Variants in MUC4 observed in about 807,000 individuals in gnomAD.
MUC4 encodes the protein mucin 4, cell surface associated.
MUC4 carries 202 observed loss-of-function variants against 257.9 expected under a neutral mutation model. The observed-to-expected ratio is 0.78, with a 90% CI of 0.70 to 0.88. MUC4 has a LOEUF of 0.88. MUC4 is among the 40% of genes least tolerant of loss of function. The pLI is 0.00. For missense variants in MUC4, 5,976 were observed against 6,513.7 expected, an observed-to-expected ratio of 0.92 and a Z score of 2.84; for synonymous variants, 2,351 against 2,757.1, an observed-to-expected ratio of 0.85 and a Z score of 4.62.
chr3:195,770,334 A>C lies in MUC4; in HGVS notation c.13280T>G (p.Val4427Gly). The change falls in exon 6 of 25, where the codon GTC becomes GGC. Residue 4427 changes from valine (V) to glycine (G), a missense_variant. Transcript: ENST00000463781. ...ETFYGEHSLL[V>G]QQAESWIRKM... ...TCTAATCCAAGACTCGGCCTGCTGG[A>C]CTAGCAGGCTGTGTTCACCATAGAA... 6.2e-7 allele frequency: 1 copy of C among 1,613,906 alleles called. No individual in the cohort carries two copies. The highest frequency in any genetic ancestry group is 8.5e-7 in the Non-Finnish European group (1 of 1,179,938).
chr3:195,778,361 G>C lies in MUC4; in HGVS notation c.12885C>G (p.Pro4295=), dbSNP rs374255220. Residue 4295 remains proline (P), a synonymous_variant, in exon 3 of 25, where the codon CCC becomes CCG. Transcript: ENST00000463781. ...TTSQTIISTI[P]STAMHTRSTA... ...TGGAGCGGGTGTGCATGGCAGTGCT[G>C]GGAATGGTGGAAATGATGGTCTGGG... 5 of 1,612,992 alleles carry C rather than the reference G, an allele frequency of 3.1e-6. No homozygotes were observed. The Admixed American group carries it at 5.0e-5, about 16-fold the overall frequency.
chr3:195,793,832 A>G (rs1337689410), intron 1 of MUC4, among the ~76,000 whole-genome samples: 1 of 152,140 alleles, frequency 6.6e-6, no homozygotes, highest in Non-Finnish European at 1.5e-5. Flanking sequence ...TTCGTTGTTA[A>G]CATCTGTGCC....
At position 195,781,573 on chromosome 3, in the gene MUC4, G is replaced by A. The variant is rs1287856338; in HGVS notation, c.10007C>T (p.Ser3336Leu). 2.8e-6 allele frequency: 2 copies of A among 712,356 alleles called. No homozygotes were observed. The highest frequency in any genetic ancestry group is 3.6e-5 in the Admixed American group (1 of 27,726). 44.1% of individuals were successfully genotyped at this position (712,356 alleles called of 1,614,324 possible). ...AGGGGTGGTGTCACCTGTGGATGCT[G>A]AGGAAGGGCTGGTGACATGAAGAGG... ...ATPLHVTSPS[S>L]ASTGDTTPVP... The change falls in exon 2 of 25, where the codon TCA becomes TTA. Residue 3336 changes from serine (S) to leucine (L), a missense_variant. By Grantham distance (145) the Ser-to-Leu change is moderately radical. This residue lies in a region of MUC4 where 72 missense variants were observed against 33.5 expected (regional missense o/e 2.15). Transcript: ENST00000463781.
chr3:195,756,770 T>C (rs1347220319), intron 18 of MUC4, among the ~76,000 whole-genome samples: 3 of 151,838 alleles, frequency 2.0e-5, no homozygotes, highest in Non-Finnish European at 4.4e-5. Flanking sequence ...GCAAGCGATT[T>C]TCCTGCCGCA....
chr3:195,790,981 G>A lies in MUC4; in HGVS notation c.599C>T (p.Thr200Ile). Residue 200 changes from threonine (T) to isoleucine (I), a missense_variant, in exon 2 of 25, where the codon ACT becomes ATT. Physicochemically the swap from Thr to Ile is moderately conservative, Grantham distance 89. Transcript: ENST00000463781. ...TTCCCTGGTGGTCTGCGTGCTCCGA[G>A]TCCAGTGGTTCTGAGAAGAAGCTGA... ...DTSASSQNHW[T>I]RSTQTTRESQ... 1 of 1,614,020 alleles carries A rather than the reference G, an allele frequency of 6.2e-7. No individual in the cohort carries two copies. Among genetic ancestry groups the A allele is most frequent in the Non-Finnish European group, 8.5e-7 (1 of 1,179,912 alleles).
chr3:195,767,621 T>TCAC (rs759760627), intron 7 of MUC4, among the ~76,000 whole-genome samples: 23 of 27,200 alleles, frequency 8.5e-4, no homozygotes, highest in East Asian at 3.3e-3. Flanking sequence ...GCCACCACCA[T>TCAC]CACCACCATC....
rs1730954070 is a variant in MUC4 at position 195,785,227 on chromosome 3, G to A, written c.6353C>T (p.Ala2118Val). The A allele has an allele frequency of 2.6e-6, 4 of 1,551,880 alleles. 1 individual carries two copies. The highest frequency in any genetic ancestry group is 3.5e-6 in the Non-Finnish European group (4 of 1,147,068). The change falls in exon 2 of 25, where the codon GCT (alanine) becomes GTT (valine). Residue 2118 changes from alanine (A) to valine (V), a missense_variant. Coordinates refer to ENST00000463781, the MANE Select transcript of MUC4 (RefSeq NM_018406.7). Reference protein sequence around the residue: ...GHATALHDTDASSLSTGDTTP... With the variant: ...GHATALHDTDVSSLSTGDTTP... The stretch of plus-strand genomic sequence containing the variant: ...GGTGTCCCCTGTGGATAATGAGGAA[G>A]CATCGGTGTCATGAAGAGCGGTGGC...
chr3:195,752,593 TTCC>T, intron 20 of MUC4, 147 bp from the exon 21 acceptor site: 2 of 630,586 alleles, frequency 3.2e-6, no homozygotes, highest in Non-Finnish European at 2.9e-6. Context: ...TCACCCTACA[TTCC>T]ACAGTGACAG....
rs1394726057 is a variant in MUC4, at chr3:195,767,764, C to T, written c.13530-1013G>A. Among the ~76,000 whole-genome samples the T allele has an allele frequency of 9.5e-4, 103 of 108,168 alleles. 2 individuals are homozygous for T. Among genetic ancestry groups the T allele is most frequent in the Non-Finnish European group, 1.4e-3 (74 of 53,038 alleles). The allele number at this position is 108,168 out of a possible 152,430, so 71.0% of individuals were successfully genotyped here. A position where few individuals can be genotyped will look rare whatever the true frequency, so the allele number is the denominator to read the frequency against. ...TCACCATCGCCACCACCACCATCAC[C>T]ACCACCACCACCATCACCACCATCA... On this transcript the variant is annotated intron_variant, in intron 7 of 24. Transcript: ENST00000463781.
intron 1 of MUC4, among the ~76,000 whole-genome samples, chr3:195,803,859 C>T (rs967928846): frequency 6.6e-6 from 1 of 152,108 alleles, no homozygotes; most frequent in Non-Finnish European, 1.5e-5. Flanking sequence ...CACTGACCTG[C>T]CCCAAGTTCT....
intron 20 of MUC4, 44 bp from the exon 21 acceptor site, chr3:195,752,490 C>G: frequency 6.4e-7 from 1 of 1,556,820 alleles, no homozygotes; most frequent in African/African-American, 1.4e-5. Context: ...CACGGTTTAC[C>G]CAGACTTACC....
At chr3:195,799,063 AG>A (rs1734948688) in intron 1 of MUC4, among the ~76,000 whole-genome samples, 1 of 152,154 alleles carries the variant, frequency 6.6e-6, no homozygotes, top group African/African-American at 2.4e-5. Flanking sequence ...AAACAGGAGC[AG>A]GTCTCTCTCC....
In MUC4 at chr3:195,779,410, A is replaced by C. The variant is rs200129320; in HGVS notation, c.12170T>G (p.Leu4057Ter). The C allele has an allele frequency of 4.8e-5, 32 of 666,256 alleles. 9 individuals are homozygous for C. In the Admixed American group the frequency reaches 1.1e-3, roughly 23 times the overall value. The allele number at this position is 666,256 out of a possible 1,614,324, so 41.3% of individuals were successfully genotyped here. Reference protein sequence around the residue: ...TPLPVTNASSLSTGHATPLHV... With the variant: ...TPLPVTNASS ...AAGAGGGGTGGCGTGACCTGTGGAT[A>C]ATGAGGAAGCATTGGTGACAGGAAG... The change falls in exon 2 of 25, where the codon TTA (leucine) becomes TGA (stop). Residue 4057 changes from leucine to a stop codon, truncating the protein, a stop_gained. Transcript: ENST00000463781. LOFTEE classifies it high-confidence loss of function.
intron 1 of MUC4, among the ~76,000 whole-genome samples, chr3:195,799,594 G>A (rs187285204): frequency 1.7e-4 from 26 of 152,214 alleles, no homozygotes; most frequent in African/African-American, 4.8e-4. Flanking sequence ...GAGCCACCGC[G>A]CCCGGCCTAA....
intron 18 of MUC4, among the ~76,000 whole-genome samples, chr3:195,754,916 G>C (rs527732526): frequency 2.3e-4 from 29 of 128,528 alleles, no homozygotes; most frequent in Admixed American, 1.8e-3. Context: ...TGTGTGTCAT[G>C]CATGTATGCA....
Position 195,799,229 on chromosome 3 carries a change from C to CTGTGTGTGTGTG in MUC4, c.83-7744_83-7733dup, listed in dbSNP as rs56897401. Among the ~76,000 whole-genome samples the CTGTGTGTGTGTG allele has an allele frequency of 4.7e-3, 559 of 120,174 alleles. 6 individuals are homozygous for CTGTGTGTGTGTG. Among genetic ancestry groups the CTGTGTGTGTGTG allele is most frequent in the African/African-American group, 0.013 (499 of 37,996 alleles). 78.8% of individuals were successfully genotyped at this position (120,174 alleles called of 152,430 possible). On this transcript the variant is annotated intron_variant, in intron 1 of 24. Transcript: ENST00000463781. ...GTGTTGCTAGTATGTATGTGTGACA[C>CTGTGTGTGTGTG]TGTGTGTGTGTGTGTGTGTGTGTGT...
At chr3:195,760,628 C>T (rs761509431) in intron 16 of MUC4, among the ~76,000 whole-genome samples, 47 of 106,158 alleles carry the variant, frequency 4.4e-4, no homozygotes, top group African/African-American at 8.5e-4. Flanking sequence ...AGGCATCCAG[C>T]GCTAGGATGG....
chr3:195,754,934 A>G (rs1048043624), intron 18 of MUC4, among the ~76,000 whole-genome samples: 2 of 129,822 alleles, frequency 1.5e-5, no homozygotes, highest in African/African-American at 2.7e-5. Flanking sequence ...GCATGTATCC[A>G]TGTATGTATC....
intron 1 of MUC4, among the ~76,000 whole-genome samples, chr3:195,806,815 AG>A (rs1736048804): frequency 2.0e-5 from 3 of 152,248 alleles, no homozygotes; most frequent in Non-Finnish European, 4.4e-5. Flanking sequence ...TTTGAAAAGC[AG>A]GAACTGTGAC....
Sources: gnomAD v4.1 joint callset for allele counts (sites outside exome capture counted in the v4.1 genomes callset) on GRCh38, gnomAD v4.1.1 for gene constraint, gnomAD v4.1.1 regional missense constraint, MANE v1.5 for transcripts, NCBI Gene and HGNC (gene_info 2026-07-23, HGNC 2026-07-21) for gene names.